SLC2A9: variants seen among roughly 807,000 people sequenced by gnomAD.
SLC2A9 encodes the protein solute carrier family 2 member 9, also known as solute carrier family 2, facilitated glucose transporter member 9.
SLC2A9 carries 39 observed loss-of-function variants against 50.6 expected under a neutral mutation model. The ratio of observed to expected loss-of-function variants is 0.77; its 90% CI spans 0.60 to 1.01. The LOEUF is 1.01. Ranked by LOEUF, SLC2A9 falls within the 50% of genes least tolerant of loss-of-function variation. The pLI is 0.00. For synonymous variants in SLC2A9, 324 were observed against 276.9 expected (o/e 1.17, Z -1.69); for missense variants, 686 against 677.6 (o/e 1.01, Z -0.14).
chr4:10,028,583 A>G (rs1286269327), intron 1 of SLC2A9, among the ~76,000 whole-genome samples: 2 of 152,232 alleles, frequency 1.3e-5, no homozygotes, highest in Non-Finnish European at 2.9e-5. Context: ...TGGACATCAT[A>G]CACAGCACCT....
At chr4:9,885,761 C>T (rs528871972) in intron 10 of SLC2A9, among the ~76,000 whole-genome samples, 5 of 152,218 alleles carry the variant, frequency 3.3e-5, no homozygotes, top group African/African-American at 1.2e-4. Flanking sequence ...AGCACACAGG[C>T]CGCATGCAGC....
intron 6 of SLC2A9, among the ~76,000 whole-genome samples, chr4:9,921,019 G>A (rs1743851072): frequency 6.6e-6 from 1 of 152,174 alleles, no homozygotes; most frequent in African/African-American, 2.4e-5. Context: ...TATTCACTAA[G>A]CACCTCCTGT....
At chr4:9,855,172 C>G (rs9996229) in intron 10 of SLC2A9, among the ~76,000 whole-genome samples, 3 of 152,206 alleles carry the variant, frequency 2.0e-5, no homozygotes, top group Middle Eastern at 3.4e-3. Flanking sequence ...GTCAAACTAT[C>G]TCTGTTTGCA....
chr4:9,919,205 C>T (rs1037368020), intron 7 of SLC2A9, among the ~76,000 whole-genome samples: 1 of 152,134 alleles, frequency 6.6e-6, no homozygotes, highest in Non-Finnish European at 1.5e-5. Flanking sequence ...ACCTCGGTCT[C>T]GTCAACAGGA....
intron 10 of SLC2A9, among the ~76,000 whole-genome samples, chr4:9,887,141 G>A (rs761771696): frequency 1.6e-4 from 24 of 152,368 alleles, no homozygotes; most frequent in Admixed American, 3.3e-4. Flanking sequence ...AGCTCACACA[G>A]GTCAAGTTCT....
chr4:9,791,115 A>G (rs1719863866), intron 3 of SLC2A9, among the ~76,000 whole-genome samples: 1 of 152,208 alleles, frequency 6.6e-6, no homozygotes, highest in African/African-American at 2.4e-5. Context: ...GAGAAAAAAT[A>G]ATTCAGTGGG....
chr4:9,825,136 G>A (rs973439697), downstream of SLC2A9, among the ~76,000 whole-genome samples: 1 of 152,170 alleles, frequency 6.6e-6, no homozygotes, highest in African/African-American at 2.4e-5. Context: ...AAACACACTG[G>A]TGCTAATTCA....
chr4:9,824,217 C>T (rs1724806515), downstream of SLC2A9, among the ~76,000 whole-genome samples: 1 of 152,066 alleles, frequency 6.6e-6, no homozygotes, highest in South Asian at 2.1e-4. Flanking sequence ...ATGTGATTCC[C>T]TTTGCCGCCT....
intron 10 of SLC2A9, among the ~76,000 whole-genome samples, chr4:9,837,448 G>A (rs1040996723): frequency 1.3e-5 from 2 of 152,224 alleles, no homozygotes; most frequent in African/African-American, 2.4e-5. Context: ...ACAGGGTTAG[G>A]TGATGATGTT....
intron 3 of SLC2A9, among the ~76,000 whole-genome samples, chr4:9,785,830 C>A (rs1445614934): frequency 6.6e-6 from 1 of 152,192 alleles, no homozygotes; most frequent in African/African-American, 2.4e-5. Flanking sequence ...CTGTGCTGTA[C>A]TGACCAGGAT....
At chr4:9,786,498 A>G (rs1464992985) in intron 3 of SLC2A9, among the ~76,000 whole-genome samples, 1 of 152,228 alleles carries the variant, frequency 6.6e-6, no homozygotes, top group East Asian at 1.9e-4. Flanking sequence ...CCACAGCTAT[A>G]CAACAGCAGA....
intron 10 of SLC2A9, among the ~76,000 whole-genome samples, chr4:9,869,479 T>G (rs1733049075): frequency 6.6e-6 from 1 of 152,196 alleles, no homozygotes; most frequent in Admixed American, 6.5e-5. Context: ...GTGCTCCTCC[T>G]TCCTCTTACA....
At chr4:9,775,668 GT>G (rs1717457317), downstream of SLC2A9, among the ~76,000 whole-genome samples, 1 of 152,042 alleles carries the variant, frequency 6.6e-6, no homozygotes, top group Non-Finnish European at 1.5e-5. Flanking sequence ...GCTTGTTCCT[GT>G]TTTGGCCACG....
At chr4:9,818,458 G>A (rs1214934904) in intron 3 of SLC2A9, among the ~76,000 whole-genome samples, 2 of 152,230 alleles carry the variant, frequency 1.3e-5, no homozygotes, top group African/African-American at 4.8e-5. Context: ...GAGACAGCTT[G>A]AACTCAACTA....
chr4:9,814,254 T>C (rs565874665), intron 3 of SLC2A9, among the ~76,000 whole-genome samples: 1 of 152,362 alleles, frequency 6.6e-6, no homozygotes, highest in African/African-American at 2.4e-5. Context: ...TTACCTACCA[T>C]TTTCTCAACT....
intron 8 of SLC2A9, among the ~76,000 whole-genome samples, chr4:9,907,485 T>A (rs1300586121): frequency 6.6e-6 from 1 of 152,222 alleles, no homozygotes; most frequent in Non-Finnish European, 1.5e-5. Context: ...TTTGAACATA[T>A]TGGCTTATTA....
chr4:9,786,974 A>G (rs6842850), intron 3 of SLC2A9, among the ~76,000 whole-genome samples: 104,065 of 152,112 alleles, frequency 0.68, 36,556 homozygotes, highest in Non-Finnish European at 0.77. Context: ...TTGGCCAGGC[A>G]GGCAGACTCC....
intron 3 of SLC2A9, chr4:9,783,080 A>G (rs1577263526): frequency 1.2e-6 from 2 of 1,614,186 alleles, no homozygotes; most frequent in Non-Finnish European, 1.7e-6. Flanking sequence ...CGGCTGGGCT[A>G]ACTCCTCACT....
Position 9,991,113 on chromosome 4 carries a change from G to A in SLC2A9, c.411-5320C>T, listed in dbSNP as rs186108838. On this transcript the variant is annotated intron_variant, in intron 3 of 11. Transcript: ENST00000264784. ...ACTTCAAGTTGGGTGACTCTGTGGTGTGATTATGCCCCAGAGCTCCCCCAA... is the reference window on the plus strand; with the variant it reads ...ACTTCAAGTTGGGTGACTCTGTGGTATGATTATGCCCCAGAGCTCCCCCAA... Among the ~76,000 whole-genome samples the A allele has an allele frequency of 5.3e-5, 8 of 152,322 alleles. No individual in the cohort carries two copies. The East Asian group carries it at 1.4e-3, about 26-fold the overall frequency.
Sources: gnomAD v4.1 joint callset for allele counts (sites outside exome capture counted in the v4.1 genomes callset) on GRCh38, gnomAD v4.1.1 for gene constraint, MANE v1.5 for transcripts, NCBI Gene and HGNC (gene_info 2026-07-23, HGNC 2026-07-21) for gene names.